PPP2R2B: variants seen among roughly 807,000 people sequenced by gnomAD.
PPP2R2B encodes the protein serine/threonine-protein phosphatase 2A 55 kDa regulatory subunit B beta isoform.
PPP2R2B carries 5 observed loss-of-function variants against 46.0 expected under a neutral mutation model. That is an observed-to-expected ratio of 0.11 (90% CI 0.06 to 0.23). PPP2R2B has a LOEUF of 0.23. Ranked by LOEUF, PPP2R2B falls within the 10% of genes least tolerant of loss-of-function variation. The pLI, the probability that PPP2R2B is intolerant of heterozygous loss-of-function variation, is 1.00. For missense variants in PPP2R2B, 367 were observed against 575.0 expected (o/e 0.64, Z 3.70); for synonymous variants, 215 against 206.7 (o/e 1.04, Z -0.34).
chr5:146,601,962 T>G (rs148047152), intron 7 of PPP2R2B, among the ~76,000 whole-genome samples: 12 of 152,344 alleles, frequency 7.9e-5, no homozygotes, highest in African/African-American at 2.9e-4. Flanking sequence ...CATCACAAAC[T>G]GCCTCTAATT....
At chr5:146,779,377 A>G (rs1260332380) in intron 2 of PPP2R2B, among the ~76,000 whole-genome samples, 1 of 152,150 alleles carries the variant, frequency 6.6e-6, no homozygotes, top group Middle Eastern at 3.4e-3. Context: ...TAAGATCTGA[A>G]CCCTGGGCCT....
intron 2 of PPP2R2B, among the ~76,000 whole-genome samples, chr5:147,079,940 T>C (rs1313732914): frequency 6.6e-6 from 1 of 152,184 alleles, no homozygotes; most frequent in Non-Finnish European, 1.5e-5. Context: ...AACATCACAC[T>C]GTACCTTATA....
At chr5:146,962,438 CACGA>C (rs1232195718) in intron 1 of PPP2R2B, among the ~76,000 whole-genome samples, 1 of 151,712 alleles carries the variant, frequency 6.6e-6, no homozygotes, top group Non-Finnish European at 1.5e-5. Flanking sequence ...GCGGGTGGAT[CACGA>C]GGTCAGGAGT....
chr5:146,603,727 T>C (rs187972695), intron 7 of PPP2R2B, among the ~76,000 whole-genome samples: 3 of 152,362 alleles, frequency 2.0e-5, no homozygotes, highest in Admixed American at 6.5e-5. Context: ...CTGCAGGCCC[T>C]GTGCTTTACA....
upstream of PPP2R2B, among the ~76,000 whole-genome samples, chr5:146,880,371 T>C (rs1762126389): frequency 6.6e-6 from 1 of 152,206 alleles, no homozygotes; most frequent in African/African-American, 2.4e-5. Context: ...TCCACTTCAG[T>C]ACAAGTTGTC....
At chr5:146,592,598 A>C (rs1770765601) in intron 9 of PPP2R2B, among the ~76,000 whole-genome samples, 1 of 152,210 alleles carries the variant, frequency 6.6e-6, no homozygotes, top group Non-Finnish European at 1.5e-5. Flanking sequence ...TCAAGGGATA[A>C]TTTTTGATCT....
At chr5:146,771,464 T>C (rs939624741) in intron 2 of PPP2R2B, among the ~76,000 whole-genome samples, 6 of 152,186 alleles carry the variant, frequency 3.9e-5, no homozygotes, top group African/African-American at 1.2e-4. Context: ...TGAGGTATAC[T>C]CAGATTGGGC....
chr5:146,620,618 T>C (rs1463532983), intron 7 of PPP2R2B, among the ~76,000 whole-genome samples: 2 of 152,068 alleles, frequency 1.3e-5, no homozygotes, highest in Non-Finnish European at 2.9e-5. Flanking sequence ...CACTGTGGAA[T>C]TACACATTCC....
chr5:146,617,390 A>C (rs1216690772), intron 7 of PPP2R2B, among the ~76,000 whole-genome samples: 1 of 152,224 alleles, frequency 6.6e-6, no homozygotes, highest in African/African-American at 2.4e-5. Flanking sequence ...TAAAGAGTAC[A>C]TGCTTGAGGT....
chr5:146,886,503 A>G (rs904948455), intron 1 of PPP2R2B, among the ~76,000 whole-genome samples: 1 of 152,128 alleles, frequency 6.6e-6, no homozygotes, highest in Non-Finnish European at 1.5e-5. Context: ...TACAGCTGTT[A>G]TTAAAGATAA....
chr5:147,081,473 C>T, upstream of PPP2R2B: 1 of 607,938 alleles, frequency 1.6e-6, no homozygotes, highest in South Asian at 2.0e-5. Flanking sequence ...GTGTGACTGG[C>T]CCTTTTCACG....
intron 2 of PPP2R2B, among the ~76,000 whole-genome samples, chr5:146,718,135 G>A (rs552070362): frequency 2.0e-5 from 3 of 151,600 alleles, no homozygotes; most frequent in South Asian, 2.1e-4. Context: ...TTTAACCAAC[G>A]GTATTCCTGG....
At chr5:146,908,565 A>G (rs1361157465) in intron 1 of PPP2R2B, among the ~76,000 whole-genome samples, 1 of 149,628 alleles carries the variant, frequency 6.7e-6, no homozygotes, top group Non-Finnish European at 1.5e-5. Flanking sequence ...TTAAACAATT[A>G]CTGAGACACT....
chr5:146,815,873 CT>C (rs1044482846), intron 2 of PPP2R2B, among the ~76,000 whole-genome samples: 2 of 152,196 alleles, frequency 1.3e-5, no homozygotes, highest in African/African-American at 4.8e-5. Flanking sequence ...CTGAAAGCTG[CT>C]TTGTTGAAAT....
At chr5:147,046,449 A>G (rs1756547188) in intron 1 of PPP2R2B, among the ~76,000 whole-genome samples, 1 of 152,170 alleles carries the variant, frequency 6.6e-6, no homozygotes, top group Non-Finnish European at 1.5e-5. Flanking sequence ...TCTGCCAGTG[A>G]GGAAACAATG....
exon 1 of PPP2R2B, chr5:147,055,853 T>A: frequency 6.8e-7 from 1 of 1,480,272 alleles, no homozygotes; most frequent in Non-Finnish European, 8.9e-7. Flanking sequence ...TGTAGGTTCT[T>A]TCCCAGATTT....
chr5:147,000,183 A>G (rs1754104682), intron 1 of PPP2R2B, among the ~76,000 whole-genome samples: 1 of 152,122 alleles, frequency 6.6e-6, no homozygotes, highest in Non-Finnish European at 1.5e-5. Context: ...ATTACTTTTG[A>G]TTCTTCTAAA....
chr5:146,807,980 T>C (rs1202342985), intron 2 of PPP2R2B, among the ~76,000 whole-genome samples: 1 of 151,716 alleles, frequency 6.6e-6, no homozygotes. Flanking sequence ...TTTGTATTTT[T>C]AGTAGAGACA....
At chr5:146,681,624 C>A (rs1778180129) in intron 5 of PPP2R2B, among the ~76,000 whole-genome samples, 1 of 152,098 alleles carries the variant, frequency 6.6e-6, no homozygotes, top group Non-Finnish European at 1.5e-5. Context: ...TACAGAGAGC[C>A]CTTTAAATGA....
Sources: gnomAD v4.1 joint callset for allele counts (sites outside exome capture counted in the v4.1 genomes callset) on GRCh38, gnomAD v4.1.1 for gene constraint, MANE v1.5 for transcripts, NCBI Gene and HGNC (gene_info 2026-07-23, HGNC 2026-07-21) for gene names.